The following ERC2 variants were observed in gnomAD, a reference collection of about 807,000 sequenced individuals.
The protein encoded by ERC2 is ELKS/RAB6-interacting/CAST family member 2.
In ERC2, 42 loss-of-function variants were observed where a neutral mutation model predicts 114.8. The observed-to-expected ratio is 0.37, with a 90% CI of 0.29 to 0.47. The LOEUF (loss-of-function observed/expected upper bound fraction) is 0.47. Among genes scored for constraint, ERC2 ranks in the 20% least tolerant of loss-of-function variants. ERC2 has a pLI of 0.99. For missense variants in ERC2, 939 were observed against 1,150.7 expected, an observed-to-expected ratio of 0.82 and a Z score of 2.66; for synonymous variants, 454 against 425.5, an observed-to-expected ratio of 1.07 and a Z score of -0.82.
chr3:56,189,606 A>C (rs2083859535), intron 3 of ERC2, among the ~76,000 whole-genome samples: 1 of 152,230 alleles, frequency 6.6e-6, no homozygotes, highest in Non-Finnish European at 1.5e-5. Flanking sequence ...TTCTGTATCA[A>C]GGGGCTCACA....
chr3:56,140,488 A>G (rs1408914412), intron 5 of ERC2, among the ~76,000 whole-genome samples: 1 of 152,124 alleles, frequency 6.6e-6, no homozygotes, highest in Non-Finnish European at 1.5e-5. Context: ...TTAAATCACA[A>G]TGTTGTACAT....
Position 56,148,997 on chromosome 3 carries a change from A to T in ERC2, c.1285T>A (p.Ser429Thr), listed in dbSNP as rs751233006. 3.1e-6 allele frequency: 5 copies of T among 1,613,372 alleles called. No homozygotes were observed. Among genetic ancestry groups the T allele is most frequent in the Middle Eastern group, 1.7e-4 (1 of 6,054 alleles). Residue 429 changes from serine (S) to threonine (T), a missense_variant, in exon 5 of 18, where the codon TCC becomes ACC. Coordinates refer to ENST00000288221, the MANE Select transcript of ERC2 (RefSeq NM_015576.3). The part of the protein sequence containing the change: ...IKQIEVYKSH[S>T]KFMKTKIDQL... Reference sequence around the variant, plus strand: ...CGTACCTTGGTCTTCATAAACTTGGAGTGACTTTTGTAAACCTCAATTTGT... The same window carrying T: ...CGTACCTTGGTCTTCATAAACTTGGTGTGACTTTTGTAAACCTCAATTTGT...
At chr3:55,856,946 T>A (rs1422835136) in intron 14 of ERC2, among the ~76,000 whole-genome samples, 2 of 152,098 alleles carry the variant, frequency 1.3e-5, no homozygotes, top group African/African-American at 4.8e-5. Context: ...TCCATTTATA[T>A]GGAATGTCCA....
chr3:55,879,875 G>A (rs1249173346), intron 14 of ERC2, among the ~76,000 whole-genome samples: 2 of 152,052 alleles, frequency 1.3e-5, no homozygotes, highest in Non-Finnish European at 2.9e-5. Flanking sequence ...CCTGGCCAGT[G>A]GGCCCCTTCC....
chr3:55,801,525 G>T (rs1289073762), intron 14 of ERC2, among the ~76,000 whole-genome samples: 1 of 151,924 alleles, frequency 6.6e-6, no homozygotes. Flanking sequence ...TATTAATCCA[G>T]CTTAGTGTTA....
At chr3:55,673,364 C>A (rs994340371) in intron 17 of ERC2, among the ~76,000 whole-genome samples, 4 of 152,200 alleles carry the variant, frequency 2.6e-5, no homozygotes, top group Admixed American at 1.3e-4. Flanking sequence ...GTGGGCAGAT[C>A]ACGAGGTCGA....
intron 17 of ERC2, among the ~76,000 whole-genome samples, chr3:55,546,818 C>T (rs988678840): frequency 6.6e-6 from 1 of 152,242 alleles, no homozygotes; most frequent in Non-Finnish European, 1.5e-5. Context: ...CTAACCCAGC[C>T]ACTTACAACT....
intron 17 of ERC2, chr3:55,606,620 G>T (rs898700079): frequency 1.3e-5 from 2 of 152,158 alleles, no homozygotes; most frequent in Admixed American, 1.3e-4. Context: ...GAACAGTCTG[G>T]CTGTGAATTA....
chr3:55,687,993 CT>C (rs1335374990), intron 16 of ERC2, among the ~76,000 whole-genome samples: 1 of 152,188 alleles, frequency 6.6e-6, no homozygotes, highest in Non-Finnish European at 1.5e-5. Context: ...TTCATTCTGT[CT>C]TTTATTTCTC....
At chr3:56,394,264 AAATT>A (rs756502905) in intron 2 of ERC2, among the ~76,000 whole-genome samples, 146 of 152,348 alleles carry the variant, frequency 9.6e-4, no homozygotes, top group Non-Finnish European at 1.7e-3. Context: ...TATGGAGATG[AAATT>A]AATTAATTTT....
rs1385792003 is a variant in ERC2, at chr3:55,864,182, CACATATATATAT to C, written c.2564+24195_2564+24206del. On this transcript the variant is annotated intron_variant, in intron 14 of 17. Coordinates refer to ENST00000288221, the MANE Select transcript of ERC2 (RefSeq NM_015576.3). ...ACATATATATACACATATATATATA[CACATATATATAT>C]ACACATATATATACACACATATATA... is the stretch of plus-strand genomic sequence containing the variant. Among the ~76,000 whole-genome samples, 64 of 134,944 alleles carry C rather than the reference CACATATATATAT, an allele frequency of 4.7e-4. No individual in the cohort carries two copies. In the East Asian group the frequency reaches 0.011, roughly 23 times the overall value. The allele number at this position is 134,944 out of a possible 152,430, so 88.5% of individuals were successfully genotyped here.
chr3:55,631,902 C>T (rs1410063403), intron 17 of ERC2, among the ~76,000 whole-genome samples: 3 of 152,346 alleles, frequency 2.0e-5, no homozygotes, highest in Non-Finnish European at 4.4e-5. Context: ...TTATCTCATT[C>T]AACTTTCACA....
chr3:55,955,985 A>G (rs2067925799), intron 12 of ERC2, among the ~76,000 whole-genome samples: 1 of 152,148 alleles, frequency 6.6e-6, no homozygotes, highest in Non-Finnish European at 1.5e-5. Flanking sequence ...TCTAACTCAT[A>G]GGGTGATTGT....
At chr3:55,698,722 C>T (rs1385992201) in intron 16 of ERC2, among the ~76,000 whole-genome samples, 2 of 152,120 alleles carry the variant, frequency 1.3e-5, no homozygotes, top group African/African-American at 4.8e-5. Context: ...TTCCTAATTT[C>T]CATAAAATTC....
intron 4 of ERC2, among the ~76,000 whole-genome samples, chr3:56,163,831 G>A (rs972302064): frequency 6.6e-6 from 1 of 152,002 alleles, no homozygotes; most frequent in African/African-American, 2.4e-5. Context: ...TTTTCACTCT[G>A]TGCCTTTTAA....
intron 12 of ERC2, among the ~76,000 whole-genome samples, chr3:55,984,571 C>T (rs986708830): frequency 6.6e-6 from 1 of 152,118 alleles, no homozygotes; most frequent in African/African-American, 2.4e-5. Flanking sequence ...TGTTTCTAAG[C>T]CTTCCCCATC....
chr3:55,638,741 C>T (rs867874912), intron 17 of ERC2, among the ~76,000 whole-genome samples: 12 of 152,312 alleles, frequency 7.9e-5, no homozygotes, highest in African/African-American at 1.2e-4. Context: ...TTTAAATTGA[C>T]TTCCTTAAGG....
intron 15 of ERC2, among the ~76,000 whole-genome samples, chr3:55,733,253 T>G (rs1172112763): frequency 2.0e-5 from 3 of 151,874 alleles, no homozygotes; most frequent in Non-Finnish European, 2.9e-5. Context: ...GATGCACAGC[T>G]CCAAACAAAG....
intron 14 of ERC2, among the ~76,000 whole-genome samples, chr3:55,777,511 A>T (rs1436387264): frequency 6.6e-6 from 1 of 152,222 alleles, no homozygotes; most frequent in East Asian, 1.9e-4. Flanking sequence ...CTTTGTGTCT[A>T]ATCTGAACTT....
Sources: allele counts gnomAD v4.1 joint callset (sites outside exome capture counted in the v4.1 genomes callset), GRCh38; gene constraint gnomAD v4.1.1; transcripts MANE v1.5; gene names NCBI Gene and HGNC (gene_info 2026-07-23, HGNC 2026-07-21).